The following XRN2 variants were observed in gnomAD, a reference collection of about 807,000 sequenced individuals.
XRN2 encodes DHM1-like protein.
A neutral mutation model predicts 138.5 loss-of-function variants in XRN2; 44 were observed. The observed-to-expected ratio is 0.32, with a 90% CI of 0.25 to 0.41. The LOEUF (loss-of-function observed/expected upper bound fraction) is 0.41. Ranked by LOEUF, XRN2 falls within the 10% of genes least tolerant of loss-of-function variation. The pLI, the probability that XRN2 is intolerant of heterozygous loss-of-function variation, is 1.00. For synonymous variants in XRN2, 354 were observed against 369.4 expected, an observed-to-expected ratio of 0.96 and a Z score of 0.48; for missense variants, 937 against 1,169.3, an observed-to-expected ratio of 0.80 and a Z score of 2.90.
chr20:21,347,533 CCTA>C (rs1400490030), intron 17 of XRN2, among the ~76,000 whole-genome samples: 1 of 152,172 alleles, frequency 6.6e-6, no homozygotes, highest in Admixed American at 6.5e-5. Flanking sequence ...GCGTTTTACT[CCTA>C]CTGTCAAGAT....
At chr20:21,377,549 C>T (rs1160857284) in intron 27 of XRN2, among the ~76,000 whole-genome samples, 3 of 116,122 alleles carry the variant, frequency 2.6e-5, no homozygotes, top group East Asian at 2.6e-4. Flanking sequence ...TGAGCCACCA[C>T]GTCCGGCCTG....
intron 16 of XRN2, among the ~76,000 whole-genome samples, chr20:21,344,439 C>G (rs117706604): frequency 7.1e-4 from 108 of 152,264 alleles, no homozygotes; most frequent in Non-Finnish European, 1.2e-3. Flanking sequence ...CTTTCGTCCT[C>G]CAATCCACTT....
chr20:21,320,283 T>TTATTTATGTATG (rs754800283), intron 1 of XRN2, among the ~76,000 whole-genome samples: 50 of 79,670 alleles, frequency 6.3e-4, no homozygotes, highest in East Asian at 4.9e-3. Flanking sequence ...ATTTATGTAT[T>TTATTTATGTATG]TATTTATTTA....
At chr20:21,347,189 C>T (rs915223054) in intron 17 of XRN2, among the ~76,000 whole-genome samples, 3 of 152,278 alleles carry the variant, frequency 2.0e-5, no homozygotes, top group Non-Finnish European at 4.4e-5. Context: ...AATGAATTGA[C>T]AGTCACTGAA....
rs182901477 is a variant in XRN2, at chr20:21,356,657, T to G, written c.2190T>G (p.Leu730=). ...GKFSLDEEAI[L]PDQIVCSPVP... ...TTTCTTTGGATGAAGAAGCCATTCT[T>G]CCAGATCAGTAAGTTTCATTTTGTA... Residue 730 remains leucine, a synonymous_variant, in exon 23 of 30, where the codon CTT becomes CTG. Transcript: ENST00000377191. The G allele has an allele frequency of 6.2e-7, 1 of 1,613,462 alleles. No homozygotes were observed. Among genetic ancestry groups the G allele is most frequent in the East Asian group, 2.2e-5 (1 of 44,844 alleles).
At chr20:21,331,193 A>G (rs1234409539) in intron 6 of XRN2, among the ~76,000 whole-genome samples, 2 of 152,138 alleles carry the variant, frequency 1.3e-5, no homozygotes, top group African/African-American at 4.8e-5. Flanking sequence ...CTTGGGGCAT[A>G]TATGGTTCAG....
chr20:21,329,495 A>G (rs1159410689), intron 4 of XRN2, among the ~76,000 whole-genome samples: 1 of 152,212 alleles, frequency 6.6e-6, no homozygotes, highest in Non-Finnish European at 1.5e-5. Context: ...AGGATGCCAT[A>G]GTATAGCCAG....
chr20:21,369,688 AT>A (rs1160328453), intron 27 of XRN2, among the ~76,000 whole-genome samples: 2 of 152,204 alleles, frequency 1.3e-5, no homozygotes, highest in African/African-American at 4.8e-5. Flanking sequence ...GTCTATTCAG[AT>A]ATTTTGCCCA....
chr20:21,319,112 C>A (rs965766247), intron 1 of XRN2, among the ~76,000 whole-genome samples: 2 of 152,038 alleles, frequency 1.3e-5, no homozygotes, highest in African/African-American at 4.8e-5. Flanking sequence ...GATGGATTTA[C>A]TTTTTATCGT....
chr20:21,388,935 A>G (rs1231590467), intron 29 of XRN2, among the ~76,000 whole-genome samples: 1 of 152,240 alleles, frequency 6.6e-6, no homozygotes, highest in Non-Finnish European at 1.5e-5. Context: ...CTTACCACAA[A>G]GTGACTTGAA....
At chr20:21,348,745 G>A (rs1056635501) in intron 19 of XRN2, among the ~76,000 whole-genome samples, 2 of 152,080 alleles carry the variant, frequency 1.3e-5, no homozygotes, top group African/African-American at 4.8e-5. Flanking sequence ...CCGGGTTCAC[G>A]CCATTCTCCT....
intron 29 of XRN2, 52 bp downstream of exon 29, chr20:21,387,058 C>A: frequency 6.4e-7 from 1 of 1,559,822 alleles, no homozygotes; most frequent in Non-Finnish European, 8.8e-7. Context: ...TTTCAACAAG[C>A]CTCACAGGAC....
At chr20:21,346,663 G>T in intron 17 of XRN2, 113 bp downstream of exon 17, 1 of 1,318,836 alleles carries the variant, frequency 7.6e-7, no homozygotes, top group African/African-American at 1.5e-5. Context: ...CCTGTCACCT[G>T]GGCGGGAGGG....
Position 21,382,055 on chromosome 20 carries a change from C to T in XRN2, c.2646C>T (p.Asp882=). Residue 882 remains aspartate, a splice_region_variant and synonymous_variant, in exon 28 of 30, where the codon GAC becomes GAT. Coordinates refer to ENST00000377191, the MANE Select transcript of XRN2 (RefSeq NM_012255.5). ...PPPLFQQQRF[D]RGVGAEPLLP... The stretch of plus-strand genomic sequence containing the variant: ...CCCTTTTCCAGCAGCAAAGGTTTGA[C>T]AGGTAATATTAAAAGTAGACATGAC... 2 of 1,498,484 alleles carry T rather than the reference C, an allele frequency of 1.3e-6. No individual in the cohort carries two copies. Among genetic ancestry groups the T allele is most frequent in the South Asian group, 2.3e-5 (2 of 86,618 alleles). 92.8% of individuals were successfully genotyped at this position (1,498,484 alleles called of 1,614,324 possible).
At chr20:21,319,134 C>G (rs1600674949) in intron 1 of XRN2, among the ~76,000 whole-genome samples, 1 of 151,816 alleles carries the variant, frequency 6.6e-6, no homozygotes, top group Non-Finnish European at 1.5e-5. Flanking sequence ...ATAAAATGAC[C>G]CTCTTTACCT....
In XRN2 at chr20:21,337,960, G is replaced by A. The variant is rs903113370; in HGVS notation, c.1234-1084G>A. Among the ~76,000 whole-genome samples the A allele has an allele frequency of 3.3e-5, 5 of 152,182 alleles. No individual in the cohort carries two copies. The East Asian group carries it at 7.7e-4, about 23-fold the overall frequency. ...CCTACACAAGAGACGTTTCATTGAAGATGGGACAGAAGCTTGATTAAATAA... is the reference window on the plus strand; with the variant it reads ...CCTACACAAGAGACGTTTCATTGAAAATGGGACAGAAGCTTGATTAAATAA... On this transcript the variant is annotated intron_variant, in intron 13 of 29. Transcript: ENST00000377191.
chr20:21,389,296 A>G lies in XRN2; in HGVS notation c.2811A>G (p.Lys937=). ...AGGGATATCCCAGAGAAGGAAGGAA[A>G]TACCCTTTGCCACCACCCTCAGGAA... ...GRQGYPREGR[K]YPLPPPSGRY... The change falls in exon 30 of 30, where the codon AAA becomes AAG. Residue 937 remains lysine, a synonymous_variant. Transcript: ENST00000377191. 6.2e-7 allele frequency: 1 copy of G among 1,613,514 alleles called. No homozygotes were observed. Among genetic ancestry groups the G allele is most frequent in the Non-Finnish European group, 8.5e-7 (1 of 1,179,738 alleles).
chr20:21,303,713 C>T (rs1022525847), intron 1 of XRN2: 1 of 1,249,902 alleles, frequency 8.0e-7, no homozygotes, highest in Non-Finnish European at 1.0e-6. Flanking sequence ...TCCGAACTCG[C>T]AGGAGGGTCG....
intron 19 of XRN2, 26 bp downstream of exon 19, chr20:21,348,456 G>A (rs1600698933): frequency 6.3e-7 from 1 of 1,592,490 alleles, no homozygotes; most frequent in African/African-American, 1.4e-5. Flanking sequence ...TTGAGTGTGT[G>A]GGTGACAGGA....
Sources: allele counts gnomAD v4.1 joint callset (sites outside exome capture counted in the v4.1 genomes callset), GRCh38; gene constraint gnomAD v4.1.1; transcripts MANE v1.5; gene names NCBI Gene and HGNC (gene_info 2026-07-23, HGNC 2026-07-21).